Variants in CDH3 observed in about 807,000 individuals in gnomAD.
The protein encoded by CDH3 is cadherin-3.
In CDH3, 54 loss-of-function variants were observed where a neutral mutation model predicts 82.0. The observed-to-expected ratio is 0.66, with a 90% CI of 0.53 to 0.83. The LOEUF (loss-of-function observed/expected upper bound fraction) is 0.83, where lower values mean the gene tolerates loss of function less well. CDH3 is among the 40% of genes least tolerant of loss of function. The pLI, the probability that CDH3 is intolerant of heterozygous loss-of-function variation, is 0.00. For synonymous variants in CDH3, 446 were observed against 437.9 expected, an observed-to-expected ratio of 1.02 and a Z score of -0.23; for missense variants, 1,054 against 1,084.6, an observed-to-expected ratio of 0.97 and a Z score of 0.40.
At chr16:68,706,619 C>A (rs1443931119) in intron 1 of CDH3, among the ~76,000 whole-genome samples, 2 of 121,636 alleles carry the variant, frequency 1.6e-5, no homozygotes, top group Non-Finnish European at 3.2e-5. Context: ...GTGGTGTAAT[C>A]TTGGCTCACA....
chr16:68,698,804 C>T lies in CDH3; in HGVS notation c.*404C>T, dbSNP rs558042896. ...TTTTTTTTTAATGCTATCTTCAAAA[C>T]GTTAGAGAAAGTTCTTCAAAAGTGC... On this transcript the variant is annotated 3_prime_UTR_variant, in exon 16 of 16. Transcript: ENST00000264012. 7.3e-5 allele frequency: 14 copies of T among 191,918 alleles called. No individual in the cohort carries two copies. Among genetic ancestry groups the T allele is most frequent in the Admixed American group, 3.8e-4 (7 of 18,500 alleles). The allele number at this position is 191,918 out of a possible 1,614,324, so 11.9% of individuals were successfully genotyped here. A position where few individuals can be genotyped will look rare whatever the true frequency, so the allele number is the denominator to read the frequency against.
intron 1 of CDH3, among the ~76,000 whole-genome samples, chr16:68,712,501 G>A (rs1962043530): frequency 6.6e-6 from 1 of 152,084 alleles, no homozygotes; most frequent in South Asian, 2.1e-4. Flanking sequence ...GGTAGTCTAT[G>A]GGTACATTTT....
chr16:68,660,898 G>T (rs1417531608), intron 2 of CDH3, among the ~76,000 whole-genome samples: 1 of 151,420 alleles, frequency 6.6e-6, no homozygotes, highest in Non-Finnish European at 1.5e-5. Context: ...GGCAGAGCTT[G>T]CAGTGAGCCG....
At chr16:68,711,507 A>G (rs1368363041) in intron 1 of CDH3, among the ~76,000 whole-genome samples, 4 of 152,152 alleles carry the variant, frequency 2.6e-5, no homozygotes, top group Admixed American at 2.0e-4. Flanking sequence ...GAGGAACTGC[A>G]CACAGGGCTG....
intron 12 of CDH3, among the ~76,000 whole-genome samples, chr16:68,690,021 G>A (rs1667867493): frequency 1.3e-5 from 2 of 152,132 alleles, no homozygotes; most frequent in Admixed American, 1.3e-4. Flanking sequence ...TTTCTTTAAA[G>A]AGGCCACTGA....
At chr16:68,679,770 A>G (rs756683385) in intron 6 of CDH3, 29 bp from the exon 7 acceptor site, 1 of 1,511,974 alleles carries the variant, frequency 6.6e-7, no homozygotes, top group Non-Finnish European at 9.1e-7. Flanking sequence ...TGGAACTGGG[A>G]GGAAAAGATA....
chr16:68,667,999 G>A lies in CDH3; in HGVS notation c.161-8386G>A, dbSNP rs115402868. 5.7e-3 allele frequency among the ~76,000 whole-genome samples: 874 copies of A among 152,238 alleles called. 10 individuals are homozygous for A. Among genetic ancestry groups the A allele is most frequent in the African/African-American group, 0.02 (829 of 41,556 alleles). Reference sequence around the variant, plus strand: ...GATTCCCTTTTTCCCTTCCCCGACAGTATTTTAGGGAATGTACATTTAGGC... The same window carrying A: ...GATTCCCTTTTTCCCTTCCCCGACAATATTTTAGGGAATGTACATTTAGGC... On this transcript the variant is annotated intron_variant, in intron 2 of 15. Coordinates refer to ENST00000264012, the MANE Select transcript of CDH3 (RefSeq NM_001793.6).
intron 2 of CDH3, among the ~76,000 whole-genome samples, chr16:68,669,768 G>T (rs930340787): frequency 1.3e-5 from 2 of 152,122 alleles, no homozygotes; most frequent in African/African-American, 4.8e-5. Flanking sequence ...TGACAGAATT[G>T]TCTGGTTAGC....
chr16:68,684,190 C>T (rs948753432), intron 9 of CDH3, among the ~76,000 whole-genome samples: 5 of 151,994 alleles, frequency 3.3e-5, no homozygotes, highest in Non-Finnish European at 5.9e-5. Context: ...CATAATGAAG[C>T]CACTGCACTT....
chr16:68,673,279 A>C (rs1960936644), intron 2 of CDH3, among the ~76,000 whole-genome samples: 2 of 152,220 alleles, frequency 1.3e-5, no homozygotes, highest in South Asian at 4.1e-4. Flanking sequence ...TAAAATAGGC[A>C]TAACATAAAA....
intron 2 of CDH3, among the ~76,000 whole-genome samples, chr16:68,654,380 ATTTTTTTTTTTTTTTTTTTTTTT>A (rs1176713669): frequency 8.2e-5 from 4 of 48,494 alleles, no homozygotes; most frequent in African/African-American, 1.9e-4. Context: ...TTTTAAATTA[ATTTTTTTTTTTTTTTTTTTTTTT>A]TTTTTTTTTT....
At chr16:68,686,244 C>T (rs1379663618) in intron 11 of CDH3, among the ~76,000 whole-genome samples, 2 of 152,240 alleles carry the variant, frequency 1.3e-5, no homozygotes, top group Admixed American at 6.5e-5. Flanking sequence ...CAGCACGCCT[C>T]GGGGCGAGCG....
intron 13 of CDH3, among the ~76,000 whole-genome samples, chr16:68,694,347 C>T (rs974068756): frequency 6.7e-6 from 1 of 149,732 alleles, no homozygotes; most frequent in Admixed American, 6.7e-5. Flanking sequence ...TCCGGCCAGG[C>T]GCAATGGCTC....
intron 10 of CDH3, 47 bp from the exon 11 acceptor site, chr16:68,685,158 G>C (rs753106448): frequency 1.9e-6 from 3 of 1,607,974 alleles, no homozygotes; most frequent in Non-Finnish European, 2.5e-6. Flanking sequence ...GATGACATCA[G>C]AATTCTAAAT....
chr16:68,732,018 C>A (rs1308869539), downstream of CDH3, among the ~76,000 whole-genome samples: 3 of 150,988 alleles, frequency 2.0e-5, no homozygotes. Context: ...GTGTGTTACA[C>A]TATTTTCTTT....
chr16:68,678,474 T>A (rs768243753), intron 4 of CDH3, 27 bp from the exon 5 acceptor site: 3 of 1,614,150 alleles, frequency 1.9e-6, no homozygotes, highest in Non-Finnish European at 2.5e-6. Context: ...TGTTACTTTG[T>A]CAGCTGCCAT....
chr16:68,732,872 G>A, the CDH3 span, among the ~76,000 whole-genome samples: 1 of 151,896 alleles, frequency 6.6e-6, no homozygotes, highest in Non-Finnish European at 1.5e-5. Context: ...GGCCCTGGGA[G>A]GTTCGAAATG....
At chr16:68,681,127 C>A in intron 8 of CDH3, 31 bp downstream of exon 8, 1 of 1,612,446 alleles carries the variant, frequency 6.2e-7, no homozygotes. Flanking sequence ...AGTCCCTCAT[C>A]AGATAATGAA....
intron 11 of CDH3, 56 bp downstream of exon 11, chr16:68,685,406 T>C: frequency 1.3e-6 from 2 of 1,574,460 alleles, no homozygotes; most frequent in Non-Finnish European, 1.7e-6. Flanking sequence ...TCAGGTCACA[T>C]GACACAGCAC....
Sources: allele counts gnomAD v4.1 joint callset (sites outside exome capture counted in the v4.1 genomes callset), GRCh38; gene constraint gnomAD v4.1.1; transcripts MANE v1.5; gene names NCBI Gene and HGNC (gene_info 2026-07-23, HGNC 2026-07-21).